MSRA: variants seen among roughly 807,000 people sequenced by gnomAD.
MSRA encodes the protein methionine sulfoxide reductase A, also known as mitochondrial peptide methionine sulfoxide reductase.
MSRA carries 54 observed loss-of-function variants against 31.3 expected under a neutral mutation model. The ratio of observed to expected loss-of-function variants is 1.73; its 90% CI spans 1.39 to 2.17. The LOEUF (loss-of-function observed/expected upper bound fraction) is 2.17, where lower values mean the gene tolerates loss of function less well. Among genes scored for constraint, MSRA ranks in the 30% most tolerant of loss-of-function variants. The pLI is 0.00. For synonymous variants in MSRA, 169 were observed against 116.5 expected (o/e 1.45, Z -2.90); for missense variants, 507 against 300.9 (o/e 1.69, Z -5.07).
intron 1 of MSRA, among the ~76,000 whole-genome samples, chr8:10,192,812 A>T (rs779162698): frequency 5.9e-5 from 9 of 152,232 alleles, no homozygotes; most frequent in Non-Finnish European, 1.2e-4. Context: ...GAGACTCATT[A>T]TGGGCTGAGG....
chr8:10,121,875 T>C (rs13264586), intron 1 of MSRA, among the ~76,000 whole-genome samples: 76,346 of 151,014 alleles, frequency 0.51, 20,286 homozygotes, highest in East Asian at 0.95. Flanking sequence ...GAAACAGGGT[T>C]TTGTTATGTT....
At chr8:10,284,077 A>G (rs1799802522) in intron 3 of MSRA, among the ~76,000 whole-genome samples, 1 of 151,954 alleles carries the variant, frequency 6.6e-6, no homozygotes, top group Non-Finnish European at 1.5e-5. Context: ...GAATCTCCAC[A>G]CTGTTTTCCA....
At chr8:10,266,329 A>G (rs1798746260) in intron 3 of MSRA, among the ~76,000 whole-genome samples, 2 of 152,052 alleles carry the variant, frequency 1.3e-5, no homozygotes, top group South Asian at 4.1e-4. Flanking sequence ...TTTCACTTGC[A>G]TTTTCCTGAC....
chr8:10,143,458 C>G (rs1025972735), intron 1 of MSRA, among the ~76,000 whole-genome samples: 2 of 152,124 alleles, frequency 1.3e-5, no homozygotes, highest in African/African-American at 4.8e-5. Context: ...AGTGTCGCAG[C>G]GATTGTTAAT....
chr8:10,159,067 G>A (rs967753669), intron 1 of MSRA, among the ~76,000 whole-genome samples: 1 of 152,248 alleles, frequency 6.6e-6, no homozygotes, highest in African/African-American at 2.4e-5. Context: ...TGAGAGAGGT[G>A]CAGGCAGATT....
intron 1 of MSRA, among the ~76,000 whole-genome samples, chr8:10,182,336 C>T (rs764559093): frequency 7.9e-4 from 121 of 152,276 alleles, no homozygotes; most frequent in Admixed American, 1.9e-3. Flanking sequence ...CTGAATGATG[C>T]ATCACATAAA....
chr8:10,112,758 G>T (rs1322768237), intron 1 of MSRA, among the ~76,000 whole-genome samples: 1 of 151,962 alleles, frequency 6.6e-6, no homozygotes, highest in East Asian at 1.9e-4. Flanking sequence ...ATGGCTTTCT[G>T]AGCCCTGCAG....
At chr8:10,376,041 T>C (rs1205081666) in intron 5 of MSRA, among the ~76,000 whole-genome samples, 2 of 152,174 alleles carry the variant, frequency 1.3e-5, no homozygotes, top group Non-Finnish European at 1.5e-5. Flanking sequence ...CTGAAGGGCC[T>C]GGGGAAGATT....
intron 1 of MSRA, among the ~76,000 whole-genome samples, chr8:10,079,066 G>T (rs1407322210): frequency 2.0e-5 from 3 of 152,244 alleles, no homozygotes; most frequent in African/African-American, 7.2e-5. Context: ...TCTGGGGACT[G>T]CTTCCCCATC....
At chr8:10,147,997 T>A (rs1323743993) in intron 1 of MSRA, among the ~76,000 whole-genome samples, 1 of 152,196 alleles carries the variant, frequency 6.6e-6, no homozygotes, top group Non-Finnish European at 1.5e-5. Context: ...TTGCTGCCCG[T>A]ACCTGTGCAC....
intron 5 of MSRA, among the ~76,000 whole-genome samples, chr8:10,370,166 G>A (rs760469796): frequency 2.6e-5 from 4 of 152,160 alleles, no homozygotes; most frequent in Non-Finnish European, 4.4e-5. Flanking sequence ...CTCAAGCCTG[G>A]TTCATTAGTT....
intron 1 of MSRA, chr8:10,095,583 G>A: frequency 1.0e-6 from 1 of 986,154 alleles, no homozygotes; most frequent in Non-Finnish European, 1.2e-6. Context: ...AGAGAGAGAG[G>A]CAGAGGGAGA....
intron 1 of MSRA, among the ~76,000 whole-genome samples, chr8:10,089,941 C>T (rs74593724): frequency 0.02 from 3,072 of 152,276 alleles, 95 homozygotes; most frequent in African/African-American, 0.07. Context: ...ACACCTTCCA[C>T]GAGGCACCAC....
At chr8:10,134,694 C>T (rs145425215) in intron 1 of MSRA, among the ~76,000 whole-genome samples, 2 of 152,308 alleles carry the variant, frequency 1.3e-5, no homozygotes, top group African/African-American at 2.4e-5. Context: ...GGAAACAGTC[C>T]GACTGCTTTA....
At chr8:10,116,871 C>G (rs553374788) in intron 1 of MSRA, among the ~76,000 whole-genome samples, 9 of 152,244 alleles carry the variant, frequency 5.9e-5, no homozygotes, top group Admixed American at 5.9e-4. Context: ...GGAGGCGAGG[C>G]AGGAGAATCG....
At chr8:10,096,028 G>A (rs1313761129) in intron 1 of MSRA, 33 of 1,454,866 alleles carry the variant, frequency 2.3e-5, no homozygotes, top group Admixed American at 9.9e-5. Context: ...GACATCCTTC[G>A]GAATGTGTTC....
intron 5 of MSRA, among the ~76,000 whole-genome samples, chr8:10,364,371 T>C (rs1349973259): frequency 1.3e-5 from 2 of 152,124 alleles, no homozygotes; most frequent in Non-Finnish European, 2.9e-5. Context: ...CAAGAGTAGA[T>C]TGGGAGATGC....
chr8:10,253,414 A>T (rs1798018837), intron 3 of MSRA, among the ~76,000 whole-genome samples: 1 of 152,242 alleles, frequency 6.6e-6, no homozygotes, highest in East Asian at 1.9e-4. Context: ...TGCAGCGGTC[A>T]AAGGTCAACA....
intron 2 of MSRA, among the ~76,000 whole-genome samples, chr8:10,232,668 C>T (rs1229205460): frequency 6.6e-6 from 1 of 151,916 alleles, no homozygotes; most frequent in African/African-American, 2.4e-5. Flanking sequence ...ATATGAGAAC[C>T]CAAATCTTAA....
Sources: gnomAD v4.1 joint callset for allele counts (sites outside exome capture counted in the v4.1 genomes callset) on GRCh38, gnomAD v4.1.1 for gene constraint, MANE v1.5 for transcripts, NCBI Gene and HGNC (gene_info 2026-07-23, HGNC 2026-07-21) for gene names.